The following RPL11 variants were observed in gnomAD, a reference collection of about 807,000 sequenced individuals.
The protein encoded by RPL11 is large ribosomal subunit protein uL5.
RPL11 carries 3 observed loss-of-function variants against 24.1 expected under a neutral mutation model. The observed-to-expected ratio is 0.12, with a 90% CI of 0.06 to 0.32. The LOEUF (loss-of-function observed/expected upper bound fraction) is 0.32, where lower values mean the gene tolerates loss of function less well. Among genes scored for constraint, RPL11 ranks in the 10% least tolerant of loss-of-function variants. The pLI is 1.00. For synonymous variants in RPL11, 96 were observed against 75.7 expected, an observed-to-expected ratio of 1.27 and a Z score of -1.39; for missense variants, 146 against 225.7, an observed-to-expected ratio of 0.65 and a Z score of 2.26.
At chr1:23,692,150 A>G in intron 1 of RPL11, 1 of 526,082 alleles carries the variant, frequency 1.9e-6, no homozygotes, top group Non-Finnish European at 3.4e-6. Flanking sequence ...GGGACTTGAG[A>G]CTTGCTCGGT....
At chr1:23,695,626 G>A in intron 4 of RPL11, 172 bp from the exon 5 acceptor site, 1 of 680,330 alleles carries the variant, frequency 1.5e-6, no homozygotes, top group Non-Finnish European at 2.6e-6. Flanking sequence ...GTATGGCTGT[G>A]TGTTGCGTGG....
intron 4 of RPL11, chr1:23,695,291 G>T: frequency 3.6e-6 from 1 of 278,928 alleles, no homozygotes. Context: ...TAAATCAGAA[G>T]TCCTGACTAG....
At chr1:23,692,798 G>A in intron 2 of RPL11, 39 bp downstream of exon 2, 2 of 1,611,682 alleles carry the variant, frequency 1.2e-6, no homozygotes, top group Non-Finnish European at 1.7e-6. Context: ...TGCCTGCTTG[G>A]GTCGCTTGGT....
At position 23,696,436 on chromosome 1, in the gene RPL11, T is replaced by G. The variant is rs1644533268; in HGVS notation, c.*63T>G. The G allele has an allele frequency of 1.3e-6, 2 of 1,536,860 alleles. No homozygotes were observed. The highest frequency in any genetic ancestry group is 1.8e-6 in the Non-Finnish European group (2 of 1,111,042). On this transcript the variant is annotated 3_prime_UTR_variant, in exon 6 of 6. Coordinates refer to ENST00000643754, the MANE Select transcript of RPL11 (RefSeq NM_000975.5). The stretch of plus-strand genomic sequence containing the variant: ...CAGTGAAATGTGCAATTCTGTTGTG[T>G]GTTCTGTGAAAGGATCCTGGCCATA...
intron 2 of RPL11, 111 bp downstream of exon 2, chr1:23,692,870 C>A: frequency 7.3e-7 from 1 of 1,371,026 alleles, no homozygotes; most frequent in Non-Finnish European, 1.0e-6. Flanking sequence ...TCACTTAAAG[C>A]ATTAAATTCA....
intron 4 of RPL11, 188 bp from the exon 5 acceptor site, chr1:23,695,610 C>A (rs1644528486): frequency 3.1e-6 from 2 of 644,808 alleles, no homozygotes; most frequent in Non-Finnish European, 5.6e-6. Context: ...CCAAAGCAAA[C>A]TTACAGTATG....
chr1:23,696,613 TGTGCTGTG>T lies in RPL11; in HGVS notation c.*245_*252del. On this transcript the variant is annotated 3_prime_UTR_variant, in exon 6 of 6. Coordinates refer to ENST00000643754, the MANE Select transcript of RPL11 (RefSeq NM_000975.5). The stretch of plus-strand genomic sequence containing the variant: ...CCTGTGCTTGCCACACCTTGGTTGA[TGTGCTGTG>T]GTGCAGTAGCCCCATTTGGAGGGGA... The T allele has an allele frequency of 1.7e-6, 1 of 591,414 alleles. No homozygotes were observed. The highest frequency in any genetic ancestry group is 1.9e-5 in the African/African-American group (1 of 53,930). The allele number at this position is 591,414 out of a possible 1,614,324, so 36.6% of individuals were successfully genotyped here.
intron 1 of RPL11, 70 bp downstream of exon 1, chr1:23,691,899 G>A: frequency 1.2e-6 from 2 of 1,606,696 alleles, no homozygotes; most frequent in South Asian, 1.1e-5. Flanking sequence ...GCCTGCGGGG[G>A]CTACTTCGCC....
In RPL11 at chr1:23,696,690, G is replaced by C. The variant is rs2124432861; in HGVS notation, c.*317G>C. Reference sequence around the variant, plus strand: ...GGTTTGAATTTAGAGCCTTGGTTAAGCAGGGTGCAGTGCTCCTGTGTTCCA... The same window carrying C: ...GGTTTGAATTTAGAGCCTTGGTTAACCAGGGTGCAGTGCTCCTGTGTTCCA... On this transcript the variant is annotated 3_prime_UTR_variant, in exon 6 of 6. Coordinates refer to ENST00000643754, the MANE Select transcript of RPL11 (RefSeq NM_000975.5). 2 of 456,530 alleles carry C rather than the reference G, an allele frequency of 4.4e-6. No homozygotes were observed. The highest frequency in any genetic ancestry group is 6.9e-5 in the Admixed American group (2 of 29,064). 28.3% of individuals were successfully genotyped at this position (456,530 alleles called of 1,614,324 possible). A position where few individuals can be genotyped will look rare whatever the true frequency, so the allele number is the denominator to read the frequency against.
rs540872683 is a variant in RPL11, at chr1:23,696,776, G to A, written c.*403G>A. 45 of 280,530 alleles carry A rather than the reference G, an allele frequency of 1.6e-4. No individual in the cohort carries two copies. Among genetic ancestry groups the A allele is most frequent in the African/African-American group, 9.2e-4 (42 of 45,792 alleles). The allele number at this position is 280,530 out of a possible 1,614,324, so 17.4% of individuals were successfully genotyped here. A position where few individuals can be genotyped will look rare whatever the true frequency, so the allele number is the denominator to read the frequency against. On this transcript the variant is annotated 3_prime_UTR_variant, in exon 6 of 6. Coordinates refer to ENST00000643754, the MANE Select transcript of RPL11 (RefSeq NM_000975.5). ...CTAGAAATTTTATCAGCATTGATGC[G>A]TCATGAAGGAATGACAGGCTTTGGT...
At chr1:23,693,068 CAGTT>C (rs577805376) in intron 2 of RPL11, among the ~76,000 whole-genome samples, 117 of 152,234 alleles carry the variant, frequency 7.7e-4, no homozygotes, top group African/African-American at 2.7e-3. Flanking sequence ...ATCTGATTAG[CAGTT>C]AGGGTTATAT....
chr1:23,693,525 T>G (rs892883644), intron 2 of RPL11, among the ~76,000 whole-genome samples: 1 of 152,240 alleles, frequency 6.6e-6, no homozygotes, highest in African/African-American at 2.4e-5. Context: ...ACTAGTGGCT[T>G]CTTCGGCCTA....
chr1:23,695,934 G>A, intron 5 of RPL11, 26 bp downstream of exon 5: 2 of 1,550,184 alleles, frequency 1.3e-6, no homozygotes, highest in East Asian at 4.8e-5. Flanking sequence ...CTCAAGTGAA[G>A]TGGTGGAATG....
chr1:23,692,036 C>G (rs1277399462), intron 1 of RPL11: 5 of 695,664 alleles, frequency 7.2e-6, no homozygotes, highest in African/African-American at 1.8e-5. Flanking sequence ...GCTCCGGGCA[C>G]TTGCCCGGAG....
In RPL11 at chr1:23,696,452, C is replaced by T; in HGVS notation, c.*79C>T. On this transcript the variant is annotated 3_prime_UTR_variant, in exon 6 of 6. Transcript: ENST00000643754. ...TCTGTTGTGTGTTCTGTGAAAGGAT[C>T]CTGGCCATATTCAAGTCCTTGGACC... 7.6e-6 allele frequency: 11 copies of T among 1,453,546 alleles called. No individual in the cohort carries two copies. The highest frequency in any genetic ancestry group is 1.1e-5 in the Non-Finnish European group (11 of 1,037,372). The allele number at this position is 1,453,546 out of a possible 1,614,324, so 90.0% of individuals were successfully genotyped here. A position where few individuals can be genotyped will look rare whatever the true frequency, so the allele number is the denominator to read the frequency against.
intron 1 of RPL11, 126 bp downstream of exon 1, chr1:23,691,955 C>CT: frequency 8.0e-7 from 1 of 1,248,096 alleles, no homozygotes; most frequent in East Asian, 2.3e-5. Context: ...TGGCCCAAAA[C>CT]TAGCAGAGCC....
At chr1:23,694,223 T>TA (rs1553121829) in intron 3 of RPL11, among the ~76,000 whole-genome samples, 1 of 151,874 alleles carries the variant, frequency 6.6e-6, no homozygotes, top group Admixed American at 6.6e-5. Flanking sequence ...TAAAAAAAGA[T>TA]AAAAATTAGC....
At chr1:23,691,873 A>G in intron 1 of RPL11, 44 bp downstream of exon 1, 1 of 1,614,008 alleles carries the variant, frequency 6.2e-7, no homozygotes, top group Non-Finnish European at 8.5e-7. Context: ...ATCCGTCGCC[A>G]TCCATGGCAG....
chr1:23,695,064 C>T (rs955794894), intron 4 of RPL11: 108 of 480,964 alleles, frequency 2.2e-4, no homozygotes, highest in Admixed American at 2.2e-3. Context: ...GGAAACTGTT[C>T]CCTCCAGCCA....
Sources: allele counts gnomAD v4.1 joint callset (sites outside exome capture counted in the v4.1 genomes callset), GRCh38; gene constraint gnomAD v4.1.1; transcripts MANE v1.5; gene names NCBI Gene and HGNC (gene_info 2026-07-23, HGNC 2026-07-21).